Variants in CDC42SE2 observed in about 807,000 individuals in gnomAD.
CDC42SE2 encodes the protein CDC42 small effector 2.
Under a neutral mutation model 11.5 loss-of-function variants are expected in CDC42SE2, and 3 were observed. The observed-to-expected ratio is 0.26, with a 90% CI of 0.12 to 0.67. The LOEUF (loss-of-function observed/expected upper bound fraction) is 0.67, where lower values mean the gene tolerates loss of function less well. CDC42SE2 is among the 30% of genes least tolerant of loss of function. The pLI, the probability that CDC42SE2 is intolerant of heterozygous loss-of-function variation, is 0.80. For missense variants in CDC42SE2, 82 were observed against 106.8 expected (o/e 0.77, Z 1.02); for synonymous variants, 33 against 34.8 (o/e 0.95, Z 0.18).
At chr5:131,242,414 TAAG>T (rs1389318614), upstream of CDC42SE2, among the ~76,000 whole-genome samples, 1 of 152,180 alleles carries the variant, frequency 6.6e-6, no homozygotes, top group Non-Finnish European at 1.5e-5. Context: ...CTGAGAATCA[TAAG>T]AAGTCATTTG....
At chr5:131,216,224 C>T in the CDC42SE2 span, among the ~76,000 whole-genome samples, 1 of 152,236 alleles carries the variant, frequency 6.6e-6, no homozygotes, top group East Asian at 1.9e-4. Flanking sequence ...CCTGTAATCC[C>T]AGCACCTCAC....
intron 2 of CDC42SE2, among the ~76,000 whole-genome samples, chr5:131,337,382 G>C (rs1039965469): frequency 6.6e-6 from 1 of 152,196 alleles, no homozygotes; most frequent in African/African-American, 2.4e-5. Flanking sequence ...TGCCCCTACT[G>C]GGGGGTGCCT....
chr5:131,393,044 T>G lies in CDC42SE2; in HGVS notation c.*1953T>G, dbSNP rs1750712777. 6.6e-6 allele frequency: 1 copy of G among 150,522 alleles called. No homozygotes were observed. Among genetic ancestry groups the G allele is most frequent in the Non-Finnish European group, 1.5e-5 (1 of 67,814 alleles). 9.3% of individuals were successfully genotyped at this position (150,522 alleles called of 1,614,324 possible). ...ATTTCTGTAAAGGTTTCTTCTTTTCTGTTAGAGTGTGGTGTTAAGCCAGAG... is the reference window on the plus strand; with the variant it reads ...ATTTCTGTAAAGGTTTCTTCTTTTCGGTTAGAGTGTGGTGTTAAGCCAGAG... On this transcript the variant is annotated 3_prime_UTR_variant, in exon 5 of 5. Transcript: ENST00000505065.
rs569524523 is a variant in CDC42SE2 at position 131,350,141 on chromosome 5, A to G, written c.-285-9068A>G. On this transcript the variant is annotated intron_variant, in intron 2 of 4. Coordinates refer to ENST00000505065, the MANE Select transcript of CDC42SE2 (RefSeq NM_001375635.1). ...GCCTTGTGGTAAATCAACTTGACCT[A>G]AGATACATTTCCTTCTATGTAGCAA... 5.9e-5 allele frequency among the ~76,000 whole-genome samples: 9 copies of G among 152,202 alleles called. No individual in the cohort carries two copies. The South Asian group carries it at 1.4e-3, about 25-fold the overall frequency.
the CDC42SE2 span, among the ~76,000 whole-genome samples, chr5:131,238,153 A>AG: frequency 6.0e-5 from 9 of 150,746 alleles, no homozygotes; most frequent in African/African-American, 2.0e-4. Flanking sequence ...GGTGAGGGCA[A>AG]GGGGAGGGAG....
At chr5:131,340,056 G>C (rs1758675993) in intron 2 of CDC42SE2, among the ~76,000 whole-genome samples, 3 of 152,108 alleles carry the variant, frequency 2.0e-5, no homozygotes, top group Non-Finnish European at 2.9e-5. Flanking sequence ...CTTTTCATCA[G>C]CAACAATAGA....
intron 3 of CDC42SE2, among the ~76,000 whole-genome samples, chr5:131,361,860 G>A (rs1234761906): frequency 1.3e-5 from 2 of 152,136 alleles, no homozygotes. Flanking sequence ...GCTGGTGTCT[G>A]TTGGTGTGCT....
In CDC42SE2 at chr5:131,391,982, G is replaced by C. The variant is rs1012260854; in HGVS notation, c.*891G>C. 6.6e-6 allele frequency: 1 copy of C among 152,284 alleles called. No homozygotes were observed. The highest frequency in any genetic ancestry group is 1.5e-5 in the Non-Finnish European group (1 of 68,044). The allele number at this position is 152,284 out of a possible 1,614,324, so 9.4% of individuals were successfully genotyped here. On this transcript the variant is annotated 3_prime_UTR_variant, in exon 5 of 5. Coordinates refer to ENST00000505065, the MANE Select transcript of CDC42SE2 (RefSeq NM_001375635.1). ...CAGTGAGATGTTACTGTTCTGCTCTGAAGAAGATACTGTCAGACGAATCCT... is the reference window on the plus strand; with the variant it reads ...CAGTGAGATGTTACTGTTCTGCTCTCAAGAAGATACTGTCAGACGAATCCT...
intron 1 of CDC42SE2, among the ~76,000 whole-genome samples, chr5:131,290,116 C>T (rs375730817): frequency 6.6e-6 from 1 of 151,890 alleles, no homozygotes; most frequent in African/African-American, 2.4e-5. Flanking sequence ...CAAAGTGCTA[C>T]GATTATAGGT....
intron 1 of CDC42SE2, among the ~76,000 whole-genome samples, chr5:131,301,206 G>T (rs1187937483): frequency 2.0e-5 from 3 of 152,232 alleles, no homozygotes; most frequent in African/African-American, 7.2e-5. Flanking sequence ...GAAGGAGAGA[G>T]GAGAGATGGG....
At chr5:131,249,793 G>C (rs575166148) in intron 1 of CDC42SE2, among the ~76,000 whole-genome samples, 1 of 152,266 alleles carries the variant, frequency 6.6e-6, no homozygotes, top group African/African-American at 2.4e-5. Flanking sequence ...TGAGGCGGGA[G>C]GATCACTTGA....
At chr5:131,334,697 A>T (rs906111825) in intron 2 of CDC42SE2, among the ~76,000 whole-genome samples, 1 of 151,842 alleles carries the variant, frequency 6.6e-6, no homozygotes, top group Admixed American at 6.6e-5. Context: ...GTCTTGGGAG[A>T]GTGTATGTGT....
At position 131,286,412 on chromosome 5, in the gene CDC42SE2, TAAAG is replaced by T. The variant is rs1396869328; in HGVS notation, c.-455+22247_-455+22250del. ...TTTTTTTTTTTTTTTTTTTTTTAAA[TAAAG>T]CATTCCTGCCCTTGACGTACAAGAA... On this transcript the variant is annotated intron_variant, in intron 1 of 4. Transcript: ENST00000505065. Among the ~76,000 whole-genome samples, 8 of 109,166 alleles carry T rather than the reference TAAAG, an allele frequency of 7.3e-5. No individual in the cohort carries two copies. In the East Asian group the frequency reaches 1.2e-3, roughly 17 times the overall value. The allele number at this position is 109,166 out of a possible 152,430, so 71.6% of individuals were successfully genotyped here. A position where few individuals can be genotyped will look rare whatever the true frequency, so the allele number is the denominator to read the frequency against.
chr5:131,231,823 A>G, the CDC42SE2 span, among the ~76,000 whole-genome samples: 5 of 148,796 alleles, frequency 3.4e-5, no homozygotes, highest in Non-Finnish European at 4.5e-5. Context: ...ATGGAGTCTC[A>G]CTCTGTCGCC....
Position 131,306,288 on chromosome 5 carries a change from C to T in CDC42SE2, c.-454-9688C>T, listed in dbSNP as rs555438997. On this transcript the variant is annotated intron_variant, in intron 1 of 4. Transcript: ENST00000505065. The stretch of plus-strand genomic sequence containing the variant: ...AATAAACATAGTATATCTAGGGTTC[C>T]TATCTGCAGGGGGTCTTGGAACGTA... Among the ~76,000 whole-genome samples, 58 of 152,222 alleles carry T rather than the reference C, an allele frequency of 3.8e-4. 1 individual carries two copies. The highest frequency in any genetic ancestry group is 1.3e-3 in the African/African-American group (54 of 41,552).
chr5:131,276,195 C>G (rs1382384655), intron 1 of CDC42SE2, among the ~76,000 whole-genome samples: 1 of 150,076 alleles, frequency 6.7e-6, no homozygotes, highest in Non-Finnish European at 1.5e-5. Context: ...GTCTGTAGTC[C>G]CAGCACTTTG....
intron 1 of CDC42SE2, among the ~76,000 whole-genome samples, chr5:131,299,261 C>G (rs984187390): frequency 6.6e-6 from 1 of 152,120 alleles, no homozygotes; most frequent in African/African-American, 2.4e-5. Context: ...TTAGAAGTAT[C>G]ATTCTAGCCA....
chr5:131,338,923 A>G (rs1758641515), intron 2 of CDC42SE2, among the ~76,000 whole-genome samples: 2 of 152,118 alleles, frequency 1.3e-5, no homozygotes, highest in African/African-American at 4.8e-5. Context: ...GTGAATTTCG[A>G]AGCAGTAGCA....
intron 2 of CDC42SE2, among the ~76,000 whole-genome samples, chr5:131,335,195 C>T (rs994457322): frequency 2.6e-5 from 4 of 152,042 alleles, no homozygotes; most frequent in African/African-American, 7.2e-5. Flanking sequence ...TCAAAGAACA[C>T]CTTTATTTCT....
Sources: allele counts gnomAD v4.1 joint callset (sites outside exome capture counted in the v4.1 genomes callset), GRCh38; gene constraint gnomAD v4.1.1; transcripts MANE v1.5; gene names NCBI Gene and HGNC (gene_info 2026-07-23, HGNC 2026-07-21).